ADAMTSL3: variants seen among roughly 807,000 people sequenced by gnomAD.
ADAMTSL3 encodes ADAMTS like 3, also known as ADAMTS-like protein 3.
ADAMTSL3 carries 128 observed loss-of-function variants against 201.7 expected under a neutral mutation model. That is an observed-to-expected ratio of 0.63 (90% confidence interval 0.55 to 0.73). ADAMTSL3 has a LOEUF of 0.73. Among genes scored for constraint, ADAMTSL3 ranks in the 30% least tolerant of loss-of-function variants. The pLI is 0.00. For synonymous variants in ADAMTSL3, 738 were observed against 748.4 expected (o/e 0.99, Z 0.23); for missense variants, 1,990 against 2,119.6 (o/e 0.94, Z 1.20).
chr15:83,745,658 C>T (rs1299226150), intron 3 of ADAMTSL3, among the ~76,000 whole-genome samples: 3 of 152,188 alleles, frequency 2.0e-5, no homozygotes, highest in South Asian at 2.1e-4. Flanking sequence ...AGCACCCAAG[C>T]GACTGGCTAG....
intron 13 of ADAMTSL3, among the ~76,000 whole-genome samples, chr15:83,894,652 AT>A (rs1420061766): frequency 6.6e-6 from 1 of 152,142 alleles, no homozygotes; most frequent in Non-Finnish European, 1.5e-5. Flanking sequence ...AATATAATGT[AT>A]TTTTATGCTT....
intron 5 of ADAMTSL3, among the ~76,000 whole-genome samples, chr15:83,815,536 ATGTT>A (rs1045560627): frequency 2.6e-4 from 40 of 152,368 alleles, no homozygotes; most frequent in African/African-American, 9.4e-4. Flanking sequence ...AAGCAGAAGA[ATGTT>A]TGGCATTTTG....
At chr15:83,731,219 G>GATGCTTCCA (rs1196613151) in intron 3 of ADAMTSL3, among the ~76,000 whole-genome samples, 4 of 151,976 alleles carry the variant, frequency 2.6e-5, no homozygotes, top group African/African-American at 9.7e-5. Flanking sequence ...TAGGAAGTGT[G>GATGCTTCCA]ATGCTTCCAA....
rs577534000 is a variant in ADAMTSL3 at position 83,832,856 on chromosome 15, T to A, written c.601-5233T>A. Among the ~76,000 whole-genome samples the A allele has an allele frequency of 2.6e-5, 4 of 152,336 alleles. No homozygotes were observed. In the East Asian group the frequency reaches 7.7e-4, roughly 29 times the overall value. ...GCCTGAGACAGTGGTGCTCACTGAA[T>A]GAAATTTGCTTCTGCTTTGGAGGTC... On this transcript the variant is annotated intron_variant, in intron 6 of 29. Coordinates refer to ENST00000286744, the MANE Select transcript of ADAMTSL3 (RefSeq NM_207517.3).
chr15:83,655,117 C>T (rs946156549), intron 1 of ADAMTSL3, among the ~76,000 whole-genome samples: 1 of 152,278 alleles, frequency 6.6e-6, no homozygotes, highest in Admixed American at 6.5e-5. Context: ...TGGCCCTCAC[C>T]TACTTTTAGG....
At chr15:83,759,876 A>T (rs4843155) in intron 3 of ADAMTSL3, among the ~76,000 whole-genome samples, 1 of 152,140 alleles carries the variant, frequency 6.6e-6, no homozygotes, top group Admixed American at 6.5e-5. Context: ...GATGTTTTTC[A>T]TCCTCTTACC....
At chr15:83,680,564 A>AT (rs2061464797) in intron 2 of ADAMTSL3, among the ~76,000 whole-genome samples, 1 of 138,038 alleles carries the variant, frequency 7.2e-6, no homozygotes, top group Admixed American at 7.0e-5. Context: ...GTCTTTAAAT[A>AT]TTTTTTCTTC....
At chr15:83,716,336 C>T (rs1170666286) in intron 3 of ADAMTSL3, among the ~76,000 whole-genome samples, 1 of 116,892 alleles carries the variant, frequency 8.6e-6, no homozygotes, top group Admixed American at 7.8e-5. Flanking sequence ...AACCCTGTCT[C>T]TACTAAAAAC....
chr15:83,684,529 A>G (rs2061512540), intron 2 of ADAMTSL3, among the ~76,000 whole-genome samples: 1 of 152,150 alleles, frequency 6.6e-6, no homozygotes, highest in South Asian at 2.1e-4. Context: ...GTGCCTGTGA[A>G]TAGCCACTGC....
At position 83,988,824 on chromosome 15, in the gene ADAMTSL3, GC is replaced by G; in HGVS notation, c.3844+9del. 6.9e-7 allele frequency: 1 copy of G among 1,445,714 alleles called. No individual in the cohort carries two copies. The highest frequency in any genetic ancestry group is 9.2e-7 in the Non-Finnish European group (1 of 1,091,162). The allele number at this position is 1,445,714 out of a possible 1,614,324, so 89.6% of individuals were successfully genotyped here. A position where few individuals can be genotyped will look rare whatever the true frequency, so the allele number is the denominator to read the frequency against. ...TTCTTCTGTGCTGTATGCAGGTAATGCCCACTGTTGAAATCTAGAATGCCTG... is the reference window on the plus strand; with the variant it reads ...TTCTTCTGTGCTGTATGCAGGTAATGCCACTGTTGAAATCTAGAATGCCTG... On this transcript the variant is annotated splice_region_variant and intron_variant, in intron 22 of 29. Coordinates refer to ENST00000286744, the MANE Select transcript of ADAMTSL3 (RefSeq NM_207517.3).
intron 5 of ADAMTSL3, among the ~76,000 whole-genome samples, chr15:83,813,953 G>A (rs553275576): frequency 6.6e-6 from 1 of 152,314 alleles, no homozygotes; most frequent in South Asian, 2.1e-4. Context: ...TAGGATTAAA[G>A]GCAATGCTGG....
At chr15:83,801,832 T>C (rs1026130240) in intron 4 of ADAMTSL3, among the ~76,000 whole-genome samples, 2 of 150,578 alleles carry the variant, frequency 1.3e-5, no homozygotes, top group South Asian at 2.1e-4. Flanking sequence ...ATCAGCAGCA[T>C]TGTAAATAAA....
intron 28 of ADAMTSL3, 22 bp downstream of exon 28, chr15:84,031,454 A>T: frequency 6.2e-7 from 1 of 1,604,720 alleles, no homozygotes; most frequent in Non-Finnish European, 8.5e-7. Flanking sequence ...ACCCCAGAGC[A>T]GCACACATTC....
At chr15:83,741,189 G>T (rs780222106) in intron 3 of ADAMTSL3, among the ~76,000 whole-genome samples, 28 of 150,848 alleles carry the variant, frequency 1.9e-4, no homozygotes, top group South Asian at 6.2e-4. Flanking sequence ...TATATTAATA[G>T]ATAGCAATTA....
At chr15:83,917,577 A>G (rs1415076201) in intron 16 of ADAMTSL3, among the ~76,000 whole-genome samples, 2 of 152,194 alleles carry the variant, frequency 1.3e-5, no homozygotes, top group Non-Finnish European at 2.9e-5. Flanking sequence ...ACCCTCTGGT[A>G]AGGTTTTATA....
In ADAMTSL3 at chr15:83,693,435, A is replaced by G. The variant is rs74024541; in HGVS notation, c.70-10954A>G. Among the ~76,000 whole-genome samples the G allele has an allele frequency of 1.5e-3, 232 of 152,290 alleles. 1 individual carries two copies. Among genetic ancestry groups the G allele is most frequent in the African/African-American group, 5.5e-3 (227 of 41,562 alleles). ...CTGTGGAGGCAGAGTACTTGGACCAAGGAGGAAAGGGTCACTCTACTGCCT... is the reference window on the plus strand; with the variant it reads ...CTGTGGAGGCAGAGTACTTGGACCAGGGAGGAAAGGGTCACTCTACTGCCT... On this transcript the variant is annotated intron_variant, in intron 2 of 29. Coordinates refer to ENST00000286744, the MANE Select transcript of ADAMTSL3 (RefSeq NM_207517.3).
intron 27 of ADAMTSL3, among the ~76,000 whole-genome samples, chr15:84,027,263 A>G (rs533827791): frequency 1.3e-5 from 2 of 152,322 alleles, no homozygotes; most frequent in Admixed American, 1.3e-4. Flanking sequence ...TGGAACCTTC[A>G]TGCTGCTGAT....
chr15:84,005,310 T>C (rs896165177), intron 23 of ADAMTSL3, among the ~76,000 whole-genome samples: 4 of 152,212 alleles, frequency 2.6e-5, no homozygotes, highest in African/African-American at 9.7e-5. Flanking sequence ...CCCAATGTTA[T>C]CTTGATAGAT....
At chr15:83,662,560 T>TA (rs1399604256) in intron 2 of ADAMTSL3, among the ~76,000 whole-genome samples, 1 of 121,492 alleles carries the variant, frequency 8.2e-6, no homozygotes, top group Non-Finnish European at 1.8e-5. Context: ...CCCTAAAACT[T>TA]AAAGTATAAT....
Sources: gnomAD v4.1 joint callset for allele counts (sites outside exome capture counted in the v4.1 genomes callset) on GRCh38, gnomAD v4.1.1 for gene constraint, MANE v1.5 for transcripts, NCBI Gene and HGNC (gene_info 2026-07-23, HGNC 2026-07-21) for gene names.